Variants in KLHL3 observed in about 807,000 individuals in gnomAD.
The protein encoded by KLHL3 is kelch-like protein 3.
In KLHL3, 19 loss-of-function variants were observed where a neutral mutation model predicts 70.5. That is an observed-to-expected ratio of 0.27 (90% CI 0.19 to 0.40). The LOEUF is 0.40. KLHL3 is among the 10% of genes least tolerant of loss of function. KLHL3 has a pLI of 1.00. For missense variants in KLHL3, 512 were observed against 771.1 expected (o/e 0.66, Z 3.98); for synonymous variants, 258 against 290.3 (o/e 0.89, Z 1.13).
At chr5:137,663,666 T>C (rs1751543688) in intron 6 of KLHL3, among the ~76,000 whole-genome samples, 1 of 152,214 alleles carries the variant, frequency 6.6e-6, no homozygotes, top group Non-Finnish European at 1.5e-5. Context: ...CGCAACTTTA[T>C]GGAATTTTTT....
intron 2 of KLHL3, among the ~76,000 whole-genome samples, chr5:137,717,513 C>G (rs1034291752): frequency 1.3e-5 from 2 of 152,146 alleles, no homozygotes; most frequent in African/African-American, 2.4e-5. Context: ...CTGGGCCACA[C>G]GAGTGAAACT....
At chr5:137,686,003 C>G (rs1327992514) in intron 5 of KLHL3, among the ~76,000 whole-genome samples, 1 of 151,890 alleles carries the variant, frequency 6.6e-6, no homozygotes, top group Non-Finnish European at 1.5e-5. Context: ...ATAATAACAA[C>G]AACAACAATA....
chr5:137,709,328 G>A (rs1020380420), intron 3 of KLHL3, among the ~76,000 whole-genome samples: 6 of 152,190 alleles, frequency 3.9e-5, no homozygotes, highest in South Asian at 2.1e-4. Flanking sequence ...ACTGGGCCAG[G>A]TGCCAGGAAG....
chr5:137,687,020 TG>T (rs1305571315), intron 5 of KLHL3, among the ~76,000 whole-genome samples: 2 of 39,456 alleles, frequency 5.1e-5, no homozygotes, highest in Non-Finnish European at 1.1e-4. Flanking sequence ...GGGAGGGAGG[TG>T]GGGGGGTCAG....
chr5:137,648,516 T>C (rs566228207), intron 8 of KLHL3, among the ~76,000 whole-genome samples: 38 of 152,220 alleles, frequency 2.5e-4, no homozygotes, highest in Non-Finnish European at 4.1e-4. Flanking sequence ...CAGGGTAACG[T>C]AGGAGACTTC....
intron 8 of KLHL3, among the ~76,000 whole-genome samples, chr5:137,645,140 A>G (rs1751011861): frequency 6.6e-6 from 1 of 152,220 alleles, no homozygotes; most frequent in Non-Finnish European, 1.5e-5. Context: ...CTCTCAACAA[A>G]TTAGAAATAG....
intron 8 of KLHL3, among the ~76,000 whole-genome samples, chr5:137,655,449 A>G (rs1457694244): frequency 6.6e-6 from 1 of 152,238 alleles, no homozygotes; most frequent in East Asian, 1.9e-4. Context: ...TTATAAAGGT[A>G]CTTGAAGAAA....
intron 2 of KLHL3, among the ~76,000 whole-genome samples, chr5:137,714,335 A>G (rs1428063568): frequency 2.0e-5 from 3 of 152,174 alleles, no homozygotes; most frequent in Admixed American, 2.0e-4. Flanking sequence ...CCAGACATAT[A>G]CCTAAGAGAA....
chr5:137,670,686 C>T (rs113099141), intron 6 of KLHL3, among the ~76,000 whole-genome samples: 156 of 152,060 alleles, frequency 1.0e-3, no homozygotes, highest in African/African-American at 3.5e-3. Context: ...ACAAAAAAAC[C>T]TGGCCAAGTG....
chr5:137,687,322 G>A (rs1231829816), intron 5 of KLHL3, among the ~76,000 whole-genome samples: 7 of 33,808 alleles, frequency 2.1e-4, no homozygotes, highest in Non-Finnish European at 2.1e-4. Context: ...TGGCTGCCCC[G>A]TCCGGGAGGT....
At chr5:137,727,701 C>T (rs1241330102) in intron 1 of KLHL3, among the ~76,000 whole-genome samples, 2 of 152,118 alleles carry the variant, frequency 1.3e-5, no homozygotes, top group African/African-American at 4.8e-5. Context: ...TCTCATTCTC[C>T]ACTACTCACT....
At chr5:137,657,454 G>A (rs949133519) in intron 8 of KLHL3, among the ~76,000 whole-genome samples, 4 of 152,114 alleles carry the variant, frequency 2.6e-5, no homozygotes, top group African/African-American at 9.7e-5. Context: ...TAGATAAGGA[G>A]CCTGAGGGTC....
chr5:137,699,240 T>C (rs1025802830), intron 3 of KLHL3, among the ~76,000 whole-genome samples: 1 of 152,168 alleles, frequency 6.6e-6, no homozygotes, highest in Non-Finnish European at 1.5e-5. Flanking sequence ...AAGGATGAGC[T>C]GAATCTGGGA....
In KLHL3 at chr5:137,621,105, T is replaced by C. The variant is rs1001209890; in HGVS notation, c.*993A>G. 4.6e-5 allele frequency: 7 copies of C among 152,596 alleles called. No individual in the cohort carries two copies. The highest frequency in any genetic ancestry group is 2.6e-4 in the Admixed American group (4 of 15,288). The allele number at this position is 152,596 out of a possible 1,614,324, so 9.5% of individuals were successfully genotyped here. A position where few individuals can be genotyped will look rare whatever the true frequency, so the allele number is the denominator to read the frequency against. On this transcript the variant is annotated 3_prime_UTR_variant, in exon 15 of 15. Coordinates refer to ENST00000309755, the MANE Select transcript of KLHL3 (RefSeq NM_017415.3). ...AGTAAAATGGGGTGCTGTGAATAAT[T>C]AAACTGGGATAATAAGTATAAATGG... is the stretch of plus-strand genomic sequence containing the variant.
At chr5:137,662,610 A>T (rs188535024) in intron 6 of KLHL3, among the ~76,000 whole-genome samples, 47 of 152,314 alleles carry the variant, frequency 3.1e-4, no homozygotes, top group Admixed American at 2.4e-3. Flanking sequence ...TTTCTATGCA[A>T]ATCAAAACTG....
At chr5:137,664,820 A>G (rs1751574257) in intron 6 of KLHL3, among the ~76,000 whole-genome samples, 1 of 152,114 alleles carries the variant, frequency 6.6e-6, no homozygotes, top group African/African-American at 2.4e-5. Flanking sequence ...CCTATCTTTA[A>G]AAAAATAATA....
At position 137,619,419 on chromosome 5, in the gene KLHL3, C is replaced by T. The variant is rs962776439; in HGVS notation, c.*2679G>A. ...TATCCAAGTGGCGTCTCGGCTGCTT[C>T]TAACCTTGGGCCTCAATTCCATTTC... On this transcript the variant is annotated 3_prime_UTR_variant, in exon 15 of 15. Coordinates refer to ENST00000309755, the MANE Select transcript of KLHL3 (RefSeq NM_017415.3). The T allele has an allele frequency of 2.6e-5, 4 of 152,650 alleles. No homozygotes were observed. The highest frequency in any genetic ancestry group is 5.9e-5 in the Non-Finnish European group (4 of 68,036). The allele number at this position is 152,650 out of a possible 1,614,324, so 9.5% of individuals were successfully genotyped here.
At chr5:137,681,928 GCA>G (rs1752036074) in intron 5 of KLHL3, among the ~76,000 whole-genome samples, 1 of 152,004 alleles carries the variant, frequency 6.6e-6, no homozygotes, top group African/African-American at 2.4e-5. Flanking sequence ...AGAGGAAGAG[GCA>G]CCATATAACT....
chr5:137,727,576 C>G (rs951743428), intron 1 of KLHL3, among the ~76,000 whole-genome samples: 15 of 152,138 alleles, frequency 9.9e-5, no homozygotes, highest in African/African-American at 3.4e-4. Context: ...ACACTAGGCT[C>G]TCTGCCTTGT....
Sources: gnomAD v4.1 joint callset for allele counts (sites outside exome capture counted in the v4.1 genomes callset) on GRCh38, gnomAD v4.1.1 for gene constraint, MANE v1.5 for transcripts, NCBI Gene and HGNC (gene_info 2026-07-23, HGNC 2026-07-21) for gene names.